TBC1D14: variants seen among roughly 807,000 people sequenced by gnomAD.
TBC1D14 encodes TBC1 domain family, member 14.
Under a neutral mutation model 79.0 loss-of-function variants are expected in TBC1D14, and 26 were observed. The observed-to-expected ratio is 0.33, with a 90% CI of 0.24 to 0.46. TBC1D14 has a LOEUF of 0.46. Ranked by LOEUF, TBC1D14 falls within the 20% of genes least tolerant of loss-of-function variation. The pLI is 1.00. For synonymous variants in TBC1D14, 394 were observed against 349.9 expected, an observed-to-expected ratio of 1.13 and a Z score of -1.40; for missense variants, 769 against 887.6, an observed-to-expected ratio of 0.87 and a Z score of 1.70.
At chr4:6,983,798 A>T (rs1560307514) in intron 3 of TBC1D14, among the ~76,000 whole-genome samples, 1 of 152,202 alleles carries the variant, frequency 6.6e-6, no homozygotes, top group Non-Finnish European at 1.5e-5. Flanking sequence ...CAGCTTATTT[A>T]TTCTGAGAAG....
chr4:6,974,913 T>C (rs1306234631), intron 3 of TBC1D14, among the ~76,000 whole-genome samples: 1 of 152,120 alleles, frequency 6.6e-6, no homozygotes, highest in Non-Finnish European at 1.5e-5. Context: ...TTGTTTTTGT[T>C]TTGTTTTGTT....
chr4:6,953,659 TCA>T (rs1432883856), intron 2 of TBC1D14, among the ~76,000 whole-genome samples: 1 of 105,860 alleles, frequency 9.4e-6, no homozygotes, highest in Admixed American at 1.0e-4. Flanking sequence ...AAAGAATAGA[TCA>T]GTTTTGGGGG....
In TBC1D14 at chr4:6,953,337, G is replaced by T. The variant is rs1192517560; in HGVS notation, c.723-13967G>T. ...CACGCCCAGCCATAAGAATAGATCA[G>T]TTGGCCGGGCGCGGTGGCTCACGCC... On this transcript the variant is annotated intron_variant, in intron 2 of 13. Coordinates refer to ENST00000409757, the MANE Select transcript of TBC1D14 (RefSeq NM_020773.3). Among the ~76,000 whole-genome samples the T allele has an allele frequency of 2.9e-5, 4 of 135,938 alleles. No homozygotes were observed. In the South Asian group the frequency reaches 1.0e-3, roughly 35 times the overall value. 89.2% of individuals were successfully genotyped at this position (135,938 alleles called of 152,430 possible). A position where few individuals can be genotyped will look rare whatever the true frequency, so the allele number is the denominator to read the frequency against.
chr4:6,922,255 T>TA (rs752985614), intron 1 of TBC1D14, among the ~76,000 whole-genome samples: 4 of 152,140 alleles, frequency 2.6e-5, no homozygotes, highest in African/African-American at 4.8e-5. Flanking sequence ...AGGGTCTTGT[T>TA]ACGTTGCCCA....
At chr4:7,011,813 C>T (rs758949873) in intron 11 of TBC1D14, among the ~76,000 whole-genome samples, 2 of 151,670 alleles carry the variant, frequency 1.3e-5, no homozygotes, top group Non-Finnish European at 2.9e-5. Flanking sequence ...CTGCCTCGGC[C>T]TCCCAAATTG....
At chr4:7,006,985 C>A (rs1440170000) in intron 9 of TBC1D14, among the ~76,000 whole-genome samples, 1 of 152,170 alleles carries the variant, frequency 6.6e-6, no homozygotes, top group Non-Finnish European at 1.5e-5. Flanking sequence ...TCTCGGGGCC[C>A]CTGTAGGTCT....
At chr4:6,935,747 G>A (rs762643579) in intron 2 of TBC1D14, among the ~76,000 whole-genome samples, 14 of 151,828 alleles carry the variant, frequency 9.2e-5, no homozygotes, top group East Asian at 7.8e-4. Flanking sequence ...AGGTTCGAGC[G>A]ATTCTCCTGC....
At chr4:6,950,940 A>G (rs193022899) in intron 2 of TBC1D14, among the ~76,000 whole-genome samples, 4 of 152,316 alleles carry the variant, frequency 2.6e-5, no homozygotes, top group East Asian at 1.9e-4. Context: ...TGTTTTCTCA[A>G]AGAGTTTCTA....
chr4:7,025,363 T>G (rs1722255886), intron 13 of TBC1D14, 101 bp downstream of exon 13: 2 of 1,527,306 alleles, frequency 1.3e-6, no homozygotes, highest in Non-Finnish European at 1.8e-6. Flanking sequence ...CGTAGCCCCT[T>G]TGATGGAGTC....
At chr4:6,937,746 C>T (rs543891203) in intron 2 of TBC1D14, among the ~76,000 whole-genome samples, 3 of 152,050 alleles carry the variant, frequency 2.0e-5, no homozygotes, top group Admixed American at 1.3e-4. Flanking sequence ...GGCTCAGGGA[C>T]GTGTGAGGGT....
chr4:6,982,167 A>G (rs1469003359), intron 3 of TBC1D14, among the ~76,000 whole-genome samples: 1 of 152,224 alleles, frequency 6.6e-6, no homozygotes, highest in African/African-American at 2.4e-5. Flanking sequence ...TTTGCACAAA[A>G]ATCTGTACAT....
At chr4:6,968,687 C>CTGTTGGGAGGAGG (rs55673365) in intron 3 of TBC1D14, among the ~76,000 whole-genome samples, 1 of 151,850 alleles carries the variant, frequency 6.6e-6, no homozygotes, top group South Asian at 2.1e-4. Context: ...AGGAGGCTGA[C>CTGTTGGGAGGAGG]CGCCGAGAGG....
chr4:6,920,645 G>A (rs1486152266), intron 1 of TBC1D14, among the ~76,000 whole-genome samples: 2 of 152,286 alleles, frequency 1.3e-5, no homozygotes, highest in Middle Eastern at 3.4e-3. Context: ...TGGGGGTCAG[G>A]TGCCTATTAA....
At chr4:6,975,741 C>G (rs1716661321) in intron 3 of TBC1D14, among the ~76,000 whole-genome samples, 1 of 152,126 alleles carries the variant, frequency 6.6e-6, no homozygotes, top group Non-Finnish European at 1.5e-5. Flanking sequence ...CAGACAGGCT[C>G]AATAGCAGAA....
At chr4:7,010,457 G>C (rs1181900378) in intron 10 of TBC1D14, among the ~76,000 whole-genome samples, 196 bp from the exon 11 acceptor site, 1 of 152,156 alleles carries the variant, frequency 6.6e-6, no homozygotes, top group Non-Finnish European at 1.5e-5. Context: ...AACTGAAGGA[G>C]AGCAGGCCGG....
chr4:7,006,831 G>A, intron 9 of TBC1D14, 105 bp downstream of exon 9: 3 of 966,510 alleles, frequency 3.1e-6, no homozygotes, highest in South Asian at 1.6e-5. Context: ...TGGGTTTTTG[G>A]GGGTGTTAGG....
intron 5 of TBC1D14, among the ~76,000 whole-genome samples, chr4:6,998,539 T>C (rs1719310531): frequency 6.7e-6 from 1 of 148,862 alleles, no homozygotes; most frequent in Non-Finnish European, 1.5e-5. Flanking sequence ...GTGTTCTTTT[T>C]TTCTTTCTTT....
At chr4:6,914,122 A>G (rs1224508463) in intron 1 of TBC1D14, among the ~76,000 whole-genome samples, 1 of 139,512 alleles carries the variant, frequency 7.2e-6, no homozygotes, top group Admixed American at 7.6e-5. Context: ...CCTGGGTGAC[A>G]GAGACCCCAT....
chr4:7,007,660 A>C (rs1354810005), intron 9 of TBC1D14: 1 of 1,239,652 alleles, frequency 8.1e-7, no homozygotes, highest in South Asian at 1.3e-5. Flanking sequence ...ACTGGCTTGC[A>C]GCAGGCAGTT....
Sources: allele counts gnomAD v4.1 joint callset (sites outside exome capture counted in the v4.1 genomes callset), GRCh38; gene constraint gnomAD v4.1.1; transcripts MANE v1.5; gene names NCBI Gene and HGNC (gene_info 2026-07-23, HGNC 2026-07-21).